Variants in TTLL11 observed in about 807,000 individuals in gnomAD.
TTLL11 encodes tubulin polyglutamylase TTLL11.
Under a neutral mutation model 51.7 loss-of-function variants are expected in TTLL11, and 42 were observed. The observed-to-expected ratio is 0.81, with a 90% CI of 0.64 to 1.05. The LOEUF (loss-of-function observed/expected upper bound fraction) is 1.05. TTLL11 is among the 50% of genes least tolerant of loss of function. The pLI is 0.00. For synonymous variants in TTLL11, 381 were observed against 383.5 expected (o/e 0.99, Z 0.08); for missense variants, 799 against 940.4 (o/e 0.85, Z 1.97).
At chr9:121,922,799 G>A (rs1001748476) in intron 6 of TTLL11, among the ~76,000 whole-genome samples, 1 of 149,300 alleles carries the variant, frequency 6.7e-6, no homozygotes, top group African/African-American at 2.5e-5. Flanking sequence ...ATGCACATGT[G>A]TATATCAAAC....
chr9:121,925,891 A>G (rs1337335086), intron 6 of TTLL11, among the ~76,000 whole-genome samples: 5 of 152,208 alleles, frequency 3.3e-5, no homozygotes, highest in African/African-American at 7.2e-5. Context: ...CCAGGCCTCT[A>G]ATCTCAGGAT....
At chr9:121,833,488 T>C (rs920409109) in intron 8 of TTLL11, among the ~76,000 whole-genome samples, 3 of 152,216 alleles carry the variant, frequency 2.0e-5, no homozygotes, top group Non-Finnish European at 4.4e-5. Context: ...ACAAGAATCC[T>C]ATCTTACGTC....
intron 4 of TTLL11, 149 bp from the exon 5 acceptor site, chr9:121,975,128 T>C (rs976302926): frequency 1.1e-5 from 6 of 558,836 alleles, no homozygotes; most frequent in African/African-American, 2.0e-5. Context: ...CTGGGGGTAC[T>C]TGTCAGACCA....
chr9:121,974,625 T>C (rs999577954), intron 5 of TTLL11, among the ~76,000 whole-genome samples: 4 of 152,202 alleles, frequency 2.6e-5, no homozygotes, highest in Non-Finnish European at 5.9e-5. Context: ...TCAAAACTGA[T>C]GGGAAGGCTC....
chr9:122,060,196 G>C (rs979158202), intron 1 of TTLL11, among the ~76,000 whole-genome samples: 5 of 152,200 alleles, frequency 3.3e-5, no homozygotes, highest in African/African-American at 9.7e-5. Flanking sequence ...GATTATACAA[G>C]GCAGAGTATC....
intron 6 of TTLL11, among the ~76,000 whole-genome samples, chr9:121,969,425 C>T (rs1842497079): frequency 1.3e-5 from 2 of 152,082 alleles, no homozygotes; most frequent in African/African-American, 2.4e-5. Context: ...GGCTACAAGA[C>T]CCAGAGTTCA....
chr9:121,945,101 A>C (rs1841616431), intron 6 of TTLL11, among the ~76,000 whole-genome samples: 3 of 152,196 alleles, frequency 2.0e-5, no homozygotes, highest in Admixed American at 2.0e-4. Flanking sequence ...GGTGCTCCCT[A>C]AGCGCTGAGT....
chr9:121,901,529 A>G (rs1354676090), intron 6 of TTLL11, among the ~76,000 whole-genome samples: 1 of 152,066 alleles, frequency 6.6e-6, no homozygotes, highest in Non-Finnish European at 1.5e-5. Flanking sequence ...CACACAGATA[A>G]TGTGAATTCC....
intron 1 of TTLL11, 53 bp from the exon 2 acceptor site, chr9:122,039,421 A>G: frequency 7.1e-7 from 1 of 1,406,930 alleles, no homozygotes; most frequent in Non-Finnish European, 1.0e-6. Flanking sequence ...CAGTGACCAC[A>G]CTGAGTATCC....
intron 6 of TTLL11, among the ~76,000 whole-genome samples, chr9:121,876,511 G>T (rs1838571893): frequency 6.6e-6 from 1 of 152,216 alleles, no homozygotes. Flanking sequence ...ACTTGGCAGT[G>T]TGATGATGAG....
intron 5 of TTLL11, 33 bp from the exon 6 acceptor site, chr9:121,974,157 A>G (rs772938732): frequency 6.7e-7 from 1 of 1,500,090 alleles, no homozygotes; most frequent in East Asian, 2.5e-5. Context: ...GTCACAGTGG[A>G]GACCGTGATT....
At chr9:121,976,992 A>G (rs1842726891) in intron 4 of TTLL11, among the ~76,000 whole-genome samples, 1 of 152,150 alleles carries the variant, frequency 6.6e-6, no homozygotes, top group African/African-American at 2.4e-5. Context: ...TGTGGTGATG[A>G]CGTTTATCAT....
chr9:122,006,981 CAAAAAAAAAAAA>C (rs71371911), intron 3 of TTLL11, among the ~76,000 whole-genome samples: 25 of 43,462 alleles, frequency 5.8e-4, no homozygotes, highest in Middle Eastern at 0.026. Context: ...GATACTCTGT[CAAAAAAAAAAAA>C]AAAAAAAAAA....
chr9:121,928,734 C>G (rs538741234), intron 6 of TTLL11, among the ~76,000 whole-genome samples: 1 of 151,956 alleles, frequency 6.6e-6, no homozygotes, highest in African/African-American at 2.4e-5. Context: ...CCACCGCACC[C>G]GGCCTGTTTC....
At position 121,989,959 on chromosome 9, in the gene TTLL11, C is replaced by T. The variant is rs981009335; in HGVS notation, c.694-189G>A. 1.3e-5 allele frequency among the ~76,000 whole-genome samples: 2 copies of T among 152,148 alleles called. No individual in the cohort carries two copies. ...CTGAGATGGTGACATCAGGACTGTC[C>T]CCAGTCTTGTGCTCCAGAGCGAGGT... On this transcript the variant is annotated intron_variant, in intron 3 of 8. Coordinates refer to ENST00000321582, the MANE Select transcript of TTLL11 (RefSeq NM_001139442.2). This position sits in a 1 kb window ranked among gnomAD's most constrained non-coding sequence, Gnocchi z 4.2.
intron 6 of TTLL11, among the ~76,000 whole-genome samples, chr9:121,879,735 G>A (rs775169536): frequency 1.3e-5 from 2 of 149,594 alleles, no homozygotes. Context: ...GGGAGGCTGA[G>A]GTGGGAGAAC....
intron 6 of TTLL11, among the ~76,000 whole-genome samples, chr9:121,911,423 A>G (rs1049682378): frequency 3.3e-5 from 5 of 152,160 alleles, no homozygotes; most frequent in Non-Finnish European, 5.9e-5. Flanking sequence ...TGACCCAGCA[A>G]TCCCATTACT....
chr9:121,950,726 A>G (rs1331767239), intron 6 of TTLL11, among the ~76,000 whole-genome samples: 1 of 152,134 alleles, frequency 6.6e-6, no homozygotes, highest in Non-Finnish European at 1.5e-5. Context: ...CCGAATGCCA[A>G]TGACAGGAAA....
chr9:121,836,448 G>C (rs1442381886), intron 8 of TTLL11, among the ~76,000 whole-genome samples: 1 of 152,122 alleles, frequency 6.6e-6, no homozygotes, highest in Non-Finnish European at 1.5e-5. Flanking sequence ...GCTCACCACT[G>C]CCCCAGGAGG....
Sources: gnomAD v4.1 joint callset for allele counts (sites outside exome capture counted in the v4.1 genomes callset) on GRCh38, gnomAD v4.1.1 for gene constraint, Gnocchi (gnomAD v3.1) non-coding constraint, MANE v1.5 for transcripts, NCBI Gene and HGNC (gene_info 2026-07-23, HGNC 2026-07-21) for gene names.